Variants in TESK2 observed in about 807,000 individuals in gnomAD.
The protein encoded by TESK2 is dual specificity testis-specific protein kinase 2.
A neutral mutation model predicts 57.1 loss-of-function variants in TESK2; 39 were observed. That is an observed-to-expected ratio of 0.68 (90% CI 0.53 to 0.89). The LOEUF (loss-of-function observed/expected upper bound fraction) is 0.89, where lower values mean the gene tolerates loss of function less well. Among genes scored for constraint, TESK2 ranks in the 40% least tolerant of loss-of-function variants. TESK2 has a pLI of 0.00. For synonymous variants in TESK2, 249 were observed against 267.9 expected (o/e 0.93, Z 0.69); for missense variants, 646 against 732.1 (o/e 0.88, Z 1.36).
chr1:45,426,552 C>A (rs531398255), intron 2 of TESK2, among the ~76,000 whole-genome samples: 1 of 151,958 alleles, frequency 6.6e-6, no homozygotes, highest in East Asian at 1.9e-4. Flanking sequence ...AAAGATTGCT[C>A]GAGTAATACT....
intron 4 of TESK2, among the ~76,000 whole-genome samples, chr1:45,362,725 T>C (rs550521596): frequency 4.6e-5 from 7 of 152,172 alleles, no homozygotes; most frequent in Non-Finnish European, 1.0e-4. Flanking sequence ...TACCATCTAA[T>C]TAGCAACATG....
intron 1 of TESK2, among the ~76,000 whole-genome samples, chr1:45,484,800 G>C (rs1233173128): frequency 2.0e-5 from 3 of 151,568 alleles, no homozygotes; most frequent in Non-Finnish European, 4.4e-5. Flanking sequence ...GGGAGGCCGA[G>C]GCGGGTAGAT....
At chr1:45,478,093 C>T (rs1357760227) in intron 1 of TESK2, among the ~76,000 whole-genome samples, 3 of 152,218 alleles carry the variant, frequency 2.0e-5, no homozygotes, top group Non-Finnish European at 4.4e-5. Context: ...ACATCTCCAG[C>T]CTCATCTATG....
At chr1:45,463,191 C>T (rs928735842) in intron 1 of TESK2, among the ~76,000 whole-genome samples, 2 of 152,188 alleles carry the variant, frequency 1.3e-5, no homozygotes, top group African/African-American at 4.8e-5. Flanking sequence ...GTTGTCTCTT[C>T]ACTTTGTTGA....
At chr1:45,471,930 T>C (rs1037721258) in intron 1 of TESK2, among the ~76,000 whole-genome samples, 3 of 152,034 alleles carry the variant, frequency 2.0e-5, no homozygotes, top group African/African-American at 4.8e-5. Flanking sequence ...AGCACTACCA[T>C]GCTGAGCAGA....
At chr1:45,475,909 C>T (rs1349007735) in intron 1 of TESK2, among the ~76,000 whole-genome samples, 1 of 152,214 alleles carries the variant, frequency 6.6e-6, no homozygotes, top group African/African-American at 2.4e-5. Context: ...CTTGGACTTA[C>T]ACCAGTGATT....
chr1:45,478,676 T>C (rs1291352395), intron 1 of TESK2, among the ~76,000 whole-genome samples: 1 of 151,954 alleles, frequency 6.6e-6, no homozygotes, highest in Admixed American at 6.6e-5. Context: ...CACAGACAAA[T>C]AATTCTGAGA....
intron 2 of TESK2, among the ~76,000 whole-genome samples, chr1:45,430,509 A>C (rs2149290003): frequency 6.6e-6 from 1 of 152,196 alleles, no homozygotes; most frequent in East Asian, 1.9e-4. Flanking sequence ...AAACAAACAG[A>C]AAAAATAGAG....
At chr1:45,412,001 G>A (rs995714261) in intron 3 of TESK2, among the ~76,000 whole-genome samples, 1 of 152,158 alleles carries the variant, frequency 6.6e-6, no homozygotes, top group Non-Finnish European at 1.5e-5. Flanking sequence ...TCATTAAACA[G>A]AAGAAATCAA....
chr1:45,415,035 C>G, intron 3 of TESK2: 2 of 1,133,898 alleles, frequency 1.8e-6, no homozygotes, highest in South Asian at 2.5e-5. Context: ...GTCAACCCCA[C>G]CATGTTCTTC....
rs763526119 is a variant in TESK2 at position 45,346,745 on chromosome 1, A to G, written c.827T>C (p.Met276Thr). 2 of 1,614,110 alleles carry G rather than the reference A, an allele frequency of 1.2e-6. No individual in the cohort carries two copies. The highest frequency in any genetic ancestry group is 1.7e-6 in the Non-Finnish European group (2 of 1,180,020). ...AAAATCTGGGGGACAGTCTCCCACC[A>G]TGTGCTGGAAAGCATCATAGTCCAG... ...FGLDYDAFQH[M>T]VGDCPPDFLQ... Residue 276 changes from methionine (M) to threonine (T), a missense_variant, in exon 9 of 11, where the codon ATG becomes ACG. Transcript: ENST00000372086.
chr1:45,480,002 T>C (rs1448399104), intron 1 of TESK2, among the ~76,000 whole-genome samples: 1 of 151,578 alleles, frequency 6.6e-6, no homozygotes, highest in Non-Finnish European at 1.5e-5. Context: ...TTTGTATTTT[T>C]AGTAGAGACG....
At chr1:45,409,113 C>CT (rs1649948102) in intron 3 of TESK2, among the ~76,000 whole-genome samples, 1 of 152,166 alleles carries the variant, frequency 6.6e-6, no homozygotes, top group Non-Finnish European at 1.5e-5. Flanking sequence ...AGATACTACA[C>CT]TATAGGCACT....
At chr1:45,370,073 G>C (rs541203374) in intron 4 of TESK2, among the ~76,000 whole-genome samples, 2 of 152,158 alleles carry the variant, frequency 1.3e-5, no homozygotes, top group South Asian at 4.2e-4. Flanking sequence ...AAACCATATG[G>C]ATAAAGAGGC....
At chr1:45,432,747 G>T (rs1489080007) in intron 2 of TESK2, among the ~76,000 whole-genome samples, 5 of 137,630 alleles carry the variant, frequency 3.6e-5, no homozygotes, top group African/African-American at 1.1e-4. Flanking sequence ...CTCTCCTATT[G>T]AATATTATAA....
chr1:45,428,816 A>ATGTTTTTT (rs1650822320), intron 2 of TESK2, among the ~76,000 whole-genome samples: 1 of 82,592 alleles, frequency 1.2e-5, no homozygotes, highest in Non-Finnish European at 2.1e-5. Flanking sequence ...TAAATTCCTG[A>ATGTTTTTT]TTTTTTTTTT....
In TESK2 at chr1:45,412,809, A is replaced by C. The variant is rs554426337; in HGVS notation, c.344+8916T>G. On this transcript the variant is annotated intron_variant, in intron 3 of 10. Coordinates refer to ENST00000372086, the MANE Select transcript of TESK2 (RefSeq NM_007170.3). ...CGAGGTGGGAGGATTGCTTGAGCTC[A>C]GGAGTTCGAGACCAGCCTGGGCAAT... 8.5e-5 allele frequency among the ~76,000 whole-genome samples: 13 copies of C among 152,306 alleles called. No homozygotes were observed. The East Asian group carries it at 2.3e-3, about 27-fold the overall frequency.
At chr1:45,445,216 C>A (rs1467280302) in intron 2 of TESK2, among the ~76,000 whole-genome samples, 1 of 152,008 alleles carries the variant, frequency 6.6e-6, no homozygotes, top group Non-Finnish European at 1.5e-5. Flanking sequence ...CTTGACCCAA[C>A]CAATCAGCAC....
chr1:45,405,463 C>T lies in TESK2; in HGVS notation c.344+16262G>A, dbSNP rs1006786600. The stretch of plus-strand genomic sequence containing the variant: ...AAGAGGCATCCTTTATGCCTCCTTC[C>T]CTTGTGCTAATATCCCTCACCGATT... On this transcript the variant is annotated intron_variant, in intron 3 of 10. Coordinates refer to ENST00000372086, the MANE Select transcript of TESK2 (RefSeq NM_007170.3). 3.3e-5 allele frequency among the ~76,000 whole-genome samples: 5 copies of T among 151,602 alleles called. No homozygotes were observed. The South Asian group carries it at 1.0e-3, about 32-fold the overall frequency.
Sources: gnomAD v4.1 joint callset for allele counts (sites outside exome capture counted in the v4.1 genomes callset) on GRCh38, gnomAD v4.1.1 for gene constraint, MANE v1.5 for transcripts, NCBI Gene and HGNC (gene_info 2026-07-23, HGNC 2026-07-21) for gene names.